Variants in ILDR1 observed in about 807,000 individuals in gnomAD.
ILDR1 encodes the protein immunoglobulin like domain containing receptor 1.
A neutral mutation model predicts 62.4 loss-of-function variants in ILDR1; 56 were observed. The ratio of observed to expected loss-of-function variants is 0.90; its 90% CI spans 0.72 to 1.12. The LOEUF (loss-of-function observed/expected upper bound fraction) is 1.12, where lower values mean the gene tolerates loss of function less well. ILDR1 is among the 50% of genes most tolerant of loss of function. The pLI is 0.00. For synonymous variants in ILDR1, 284 were observed against 277.8 expected (o/e 1.02, Z -0.22); for missense variants, 736 against 710.6 (o/e 1.04, Z -0.41).
chr3:122,003,461 T>C (rs1184894247), intron 3 of ILDR1, among the ~76,000 whole-genome samples: 1 of 152,198 alleles, frequency 6.6e-6, no homozygotes, highest in African/African-American at 2.4e-5. Flanking sequence ...CCTCAGGGCA[T>C]GATGTGTATT....
At chr3:122,010,840 C>T (rs1192790785) in intron 1 of ILDR1, among the ~76,000 whole-genome samples, 1 of 152,186 alleles carries the variant, frequency 6.6e-6, no homozygotes, top group African/African-American at 2.4e-5. Context: ...GGTTCAACAG[C>T]ATCTTCAAAT....
intron 5 of ILDR1, among the ~76,000 whole-genome samples, chr3:121,998,436 C>T (rs1429295469): frequency 6.6e-6 from 1 of 152,182 alleles, no homozygotes; most frequent in East Asian, 1.9e-4. Flanking sequence ...GGACAGTCTA[C>T]CCCAGTGACT....
At chr3:121,996,218 A>G (rs1263240739) in intron 5 of ILDR1, among the ~76,000 whole-genome samples, 1 of 152,230 alleles carries the variant, frequency 6.6e-6, no homozygotes, top group Non-Finnish European at 1.5e-5. Context: ...GGAGAAAGGC[A>G]GAGTTGTGCT....
At chr3:122,028,336 A>C in the ILDR1 span, among the ~76,000 whole-genome samples, 1 of 19,704 alleles carries the variant, frequency 5.1e-5, no homozygotes. Context: ...ACTCCATCTC[A>C]AAAAAAAAAA....
chr3:122,036,964 T>C, the ILDR1 span, among the ~76,000 whole-genome samples: 1 of 152,090 alleles, frequency 6.6e-6, no homozygotes, highest in South Asian at 2.1e-4. Flanking sequence ...CTTCAGAGGG[T>C]GCAAGCCCCA....
At chr3:121,994,403 G>A in intron 5 of ILDR1, 90 bp from the exon 6 acceptor site, 5 of 1,398,440 alleles carry the variant, frequency 3.6e-6, no homozygotes, top group Middle Eastern at 2.5e-4. Context: ...GGCCTTGCAA[G>A]AGGCCAGCTT....
chr3:122,018,841 C>T (rs976358730), intron 1 of ILDR1, among the ~76,000 whole-genome samples: 2 of 152,142 alleles, frequency 1.3e-5, no homozygotes, highest in African/African-American at 4.8e-5. Context: ...ATCACCCATA[C>T]CCCCTCACCC....
At chr3:122,046,283 G>C in the ILDR1 span, among the ~76,000 whole-genome samples, 17 of 149,854 alleles carry the variant, frequency 1.1e-4, no homozygotes, top group Admixed American at 1.1e-3. Flanking sequence ...TCTGCCGAGA[G>C]ATCCGCTGTT....
intron 7 of ILDR1, among the ~76,000 whole-genome samples, chr3:121,991,904 T>C (rs1325862985): frequency 6.6e-6 from 1 of 152,206 alleles, no homozygotes; most frequent in Non-Finnish European, 1.5e-5. Flanking sequence ...CAGACTACAC[T>C]TCTTCTTTTA....
At chr3:122,000,907 A>C (rs2071513734) in intron 5 of ILDR1, among the ~76,000 whole-genome samples, 1 of 152,226 alleles carries the variant, frequency 6.6e-6, no homozygotes, top group South Asian at 2.1e-4. Context: ...TGAGAATAGG[A>C]AAAAACAGTT....
chr3:121,999,760 T>C (rs2071489856), intron 5 of ILDR1, among the ~76,000 whole-genome samples: 1 of 152,130 alleles, frequency 6.6e-6, no homozygotes, highest in Non-Finnish European at 1.5e-5. Context: ...CATGACGGGA[T>C]GGGAGGTCAG....
chr3:122,059,357 T>G, the ILDR1 span, among the ~76,000 whole-genome samples: 1 of 151,874 alleles, frequency 6.6e-6, no homozygotes, highest in Non-Finnish European at 1.5e-5. Context: ...AAGGAGGGGC[T>G]AGAGAGACTG....
intron 1 of ILDR1, among the ~76,000 whole-genome samples, chr3:122,012,244 A>T (rs1477993293): frequency 1.3e-5 from 2 of 152,218 alleles, no homozygotes; most frequent in African/African-American, 4.8e-5. Context: ...AGGATCAAAA[A>T]AGAGAAACGT....
chr3:122,023,813 C>G (rs551674173), upstream of ILDR1, among the ~76,000 whole-genome samples: 32 of 151,598 alleles, frequency 2.1e-4, no homozygotes, highest in South Asian at 8.3e-4. Flanking sequence ...GCAGCAGCAG[C>G]AGGAGGAAGC....
chr3:122,027,012 T>C (rs568593320), upstream of ILDR1, among the ~76,000 whole-genome samples: 1 of 152,252 alleles, frequency 6.6e-6, no homozygotes, highest in African/African-American at 2.4e-5. Context: ...GCAACATATA[T>C]TTGGAAGATA....
At chr3:121,997,597 G>T (rs1048171634) in intron 5 of ILDR1, among the ~76,000 whole-genome samples, 2 of 152,140 alleles carry the variant, frequency 1.3e-5, no homozygotes, top group African/African-American at 4.8e-5. Context: ...TTAGTCCAGG[G>T]CCCACTGCTA....
intron 1 of ILDR1, among the ~76,000 whole-genome samples, chr3:122,010,456 A>G (rs1185264869): frequency 3.3e-5 from 5 of 152,186 alleles, no homozygotes; most frequent in African/African-American, 4.8e-5. Flanking sequence ...TGGTTTTGGG[A>G]AAAAAAGCTG....
the ILDR1 span, among the ~76,000 whole-genome samples, chr3:122,053,634 C>A: frequency 6.6e-6 from 1 of 152,168 alleles, no homozygotes; most frequent in Non-Finnish European, 1.5e-5. Context: ...CCCACCTCAG[C>A]CTCCTGAGTA....
chr3:122,012,974 G>T (rs756241250), intron 1 of ILDR1, among the ~76,000 whole-genome samples: 1 of 152,140 alleles, frequency 6.6e-6, no homozygotes, highest in African/African-American at 2.4e-5. Context: ...TGGGTAGAAA[G>T]GAAACTTCAG....
Sources: gnomAD v4.1 joint callset for allele counts (sites outside exome capture counted in the v4.1 genomes callset) on GRCh38, gnomAD v4.1.1 for gene constraint, MANE v1.5 for transcripts, NCBI Gene and HGNC (gene_info 2026-07-23, HGNC 2026-07-21) for gene names.